CACNA1C: variants seen among roughly 807,000 people sequenced by gnomAD.
The protein encoded by CACNA1C is voltage-dependent L-type calcium channel subunit alpha-1C.
Under a neutral mutation model 229.0 loss-of-function variants are expected in CACNA1C, and 30 were observed. The ratio of observed to expected loss-of-function variants is 0.13; its 90% confidence interval spans 0.10 to 0.18. The LOEUF is 0.18. Among genes scored for constraint, CACNA1C ranks in the 10% least tolerant of loss-of-function variants. The pLI, the probability that CACNA1C is intolerant of heterozygous loss-of-function variation, is 1.00. For missense variants in CACNA1C, 1,658 were observed against 2,845.0 expected (o/e 0.58, Z 9.49); for synonymous variants, 1,114 against 1,132.5 (o/e 0.98, Z 0.33).
At position 2,067,052 on chromosome 12, in the gene CACNA1C, G is replaced by C. The variant is rs925710486; in HGVS notation, c.49+13441G>C. ...CGAGGTCTGGAAGCATGAGTTAGGG[G>C]CCAGGAGTGATTGGCATTCCTAGAG... is the stretch of plus-strand genomic sequence containing the variant. On this transcript the variant is annotated intron_variant, in intron 1 of 46. Transcript: ENST00000399655. The surrounding 1 kb of genome is among the most constrained non-coding windows in gnomAD (Gnocchi z 5.3). Among the ~76,000 whole-genome samples the C allele has an allele frequency of 6.6e-6, 1 of 152,172 alleles. No individual in the cohort carries two copies. The highest frequency in any genetic ancestry group is 1.5e-5 in the Non-Finnish European group (1 of 68,006).
intron 3 of CACNA1C, among the ~76,000 whole-genome samples, chr12:2,258,430 T>C (rs1209498498): frequency 6.6e-6 from 1 of 152,232 alleles, no homozygotes; most frequent in Non-Finnish European, 1.5e-5. Context: ...CAAGTTTTTT[T>C]TTTAAATGTG....
upstream of CACNA1C, chr12:2,052,946 T>G: frequency 1.0e-6 from 1 of 975,852 alleles, no homozygotes; most frequent in Non-Finnish European, 1.2e-6. Context: ...GCGGCGGGGC[T>G]GGGCCGGGGG....
At chr12:2,662,241 C>CAAA (rs34136018) in intron 34 of CACNA1C, among the ~76,000 whole-genome samples, 1 of 135,790 alleles carries the variant, frequency 7.4e-6, no homozygotes, top group Non-Finnish European at 1.5e-5. Context: ...GACCCCATCT[C>CAAA]AAAAAAAAAA....
chr12:2,245,593 C>CT (rs2072796734), intron 3 of CACNA1C, among the ~76,000 whole-genome samples: 1 of 152,134 alleles, frequency 6.6e-6, no homozygotes, highest in Non-Finnish European at 1.5e-5. Flanking sequence ...AAATATTTAT[C>CT]TTTATGACCC....
intron 9 of CACNA1C, among the ~76,000 whole-genome samples, chr12:2,523,173 G>C (rs1598837026): frequency 6.7e-6 from 1 of 148,554 alleles, no homozygotes; most frequent in Non-Finnish European, 1.5e-5. Context: ...TGGTAGTAGG[G>C]CATGGGTTTG....
chr12:2,457,447 G>A (rs1343335991), intron 4 of CACNA1C, 120 bp from the exon 5 acceptor site: 5 of 1,033,766 alleles, frequency 4.8e-6, no homozygotes, highest in South Asian at 3.7e-5. Context: ...CACAACGCCC[G>A]CCCCTGGGCT....
intron 1 of CACNA1C, among the ~76,000 whole-genome samples, chr12:2,030,526 C>T (rs1274362426): frequency 4.6e-5 from 7 of 152,160 alleles, no homozygotes. Context: ...TCTTCCTTCC[C>T]CTTGGTTCAC....
intron 38 of CACNA1C, 31 bp from the exon 39 acceptor site, chr12:2,674,510 C>G (rs1162851787): frequency 6.5e-7 from 1 of 1,548,454 alleles, no homozygotes; most frequent in Admixed American, 2.0e-5. Context: ...AGAGGCCCAC[C>G]AAGGGGCTGA....
chr12:2,681,154 T>G (rs2153811379), intron 42 of CACNA1C, among the ~76,000 whole-genome samples: 1 of 152,274 alleles, frequency 6.6e-6, no homozygotes, highest in East Asian at 1.9e-4. Context: ...CAGGGTGAAC[T>G]AATTCCCCAC....
At chr12:2,011,169 A>AG (rs1240779331) in intron 1 of CACNA1C, 20 of 151,502 alleles carry the variant, frequency 1.3e-4, no homozygotes, top group South Asian at 2.1e-4. Flanking sequence ...AAAAAAAAAA[A>AG]AAAGAAAGGG....
chr12:2,178,057 C>T (rs1310633430), intron 3 of CACNA1C, among the ~76,000 whole-genome samples: 1 of 152,194 alleles, frequency 6.6e-6, no homozygotes, highest in African/African-American at 2.4e-5. Flanking sequence ...CAAGTTTCTT[C>T]TCAAACTGCA....
chr12:2,644,628 G>A (rs2094138471), intron 30 of CACNA1C, among the ~76,000 whole-genome samples: 2 of 152,142 alleles, frequency 1.3e-5, no homozygotes, highest in African/African-American at 2.4e-5. Flanking sequence ...GGAGGATCCT[G>A]TCTCTGCTGG....
intron 3 of CACNA1C, among the ~76,000 whole-genome samples, chr12:2,312,764 T>C (rs1192006333): frequency 6.6e-6 from 1 of 152,178 alleles, no homozygotes; most frequent in African/African-American, 2.4e-5. Flanking sequence ...ATTTCAACCG[T>C]CATACCATCC....
intron 5 of CACNA1C, among the ~76,000 whole-genome samples, chr12:2,458,091 C>G (rs1268635914): frequency 6.6e-6 from 1 of 152,202 alleles, no homozygotes; most frequent in African/African-American, 2.4e-5. Context: ...ATTATCTCTA[C>G]TTTCTGTGTT....
Position 2,410,106 on chromosome 12 carries a change from T to C in CACNA1C, c.478-38870T>C, listed in dbSNP as rs1186702287. Among the ~76,000 whole-genome samples, 1 of 152,234 alleles carries C rather than the reference T, an allele frequency of 6.6e-6. No homozygotes were observed. Among genetic ancestry groups the C allele is most frequent in the African/African-American group, 2.4e-5 (1 of 41,468 alleles). On this transcript the variant is annotated intron_variant, in intron 3 of 46. Transcript: ENST00000399655. This position sits in a 1 kb window ranked among gnomAD's most constrained non-coding sequence, Gnocchi z 5.3. ...CTGGCAGCTTCGTCCTCTCAGACTG[T>C]GGGTTGCTTTTAGCTGTCAGCCTTG... is the stretch of plus-strand genomic sequence containing the variant.
chr12:1,993,622 T>C (rs1261347263), intron 1 of CACNA1C, among the ~76,000 whole-genome samples: 7 of 79,554 alleles, frequency 8.8e-5, no homozygotes, highest in Admixed American at 1.1e-4. Flanking sequence ...TCATACTTCA[T>C]TTGTGGTGTG....
chr12:2,434,240 C>T (rs548623731), intron 3 of CACNA1C, among the ~76,000 whole-genome samples: 5 of 152,332 alleles, frequency 3.3e-5, no homozygotes, highest in African/African-American at 1.2e-4. Flanking sequence ...TCCCCACATA[C>T]ATCTCCACGG....
intron 9 of CACNA1C, among the ~76,000 whole-genome samples, chr12:2,518,331 G>A (rs1270088508): frequency 1.5e-4 from 23 of 152,304 alleles, no homozygotes; most frequent in African/African-American, 9.6e-5. Context: ...AATCAGGGCC[G>A]GGCGTGGTGG....
chr12:2,136,731 T>A (rs2093547961), intron 3 of CACNA1C, among the ~76,000 whole-genome samples: 1 of 151,106 alleles, frequency 6.6e-6, no homozygotes, highest in Non-Finnish European at 1.5e-5. Flanking sequence ...AGGGGAGGCC[T>A]TTTCATCTGC....
Sources: allele counts gnomAD v4.1 joint callset (sites outside exome capture counted in the v4.1 genomes callset), GRCh38; gene constraint gnomAD v4.1.1; non-coding constraint Gnocchi (gnomAD v3.1); transcripts MANE v1.5; gene names NCBI Gene and HGNC (gene_info 2026-07-23, HGNC 2026-07-21).